The following CUX1 variants were observed in gnomAD, a reference collection of about 807,000 sequenced individuals.
CUX1 encodes the protein protein CASP.
CUX1 carries 31 observed loss-of-function variants against 158.8 expected under a neutral mutation model. That is an observed-to-expected ratio of 0.20 (90% CI 0.15 to 0.26). CUX1 has a LOEUF of 0.26. Among genes scored for constraint, CUX1 ranks in the 10% least tolerant of loss-of-function variants. The pLI, the probability that CUX1 is intolerant of heterozygous loss-of-function variation, is 1.00. For synonymous variants in CUX1, 879 were observed against 862.1 expected (o/e 1.02, Z -0.34); for missense variants, 1,589 against 2,014.6 (o/e 0.79, Z 4.04).
rs144101446 is a variant in CUX1, at chr7:101,831,233, T to A, written c.30+13564T>A. ...AGTGTCTCCTGTGTGCCGGGCAGCA[T>A]TCTAGCATAGGGATTGAGTGACCAG... On this transcript the variant is annotated intron_variant, in intron 1 of 23. Coordinates refer to ENST00000292535, the MANE Select transcript of CUX1 (RefSeq NM_181552.4). Among the ~76,000 whole-genome samples the A allele has an allele frequency of 9.2e-4, 140 of 152,248 alleles. 1 individual carries two copies. Among genetic ancestry groups the A allele is most frequent in the Admixed American group, 2.9e-3 (45 of 15,294 alleles).
Position 102,094,187 on chromosome 7 carries a change from C to T in CUX1, c.269-3177C>T, listed in dbSNP as rs570238603. On this transcript the variant is annotated intron_variant, in intron 4 of 23. Coordinates refer to ENST00000292535, the MANE Select transcript of CUX1 (RefSeq NM_181552.4). ...TTAATACAAGTAATAAAAATTAAGC[C>T]TAAGAAGTTCTTTAGCAATGCCTCT... 1.6e-4 allele frequency among the ~76,000 whole-genome samples: 25 copies of T among 152,250 alleles called. 1 individual carries two copies. Among genetic ancestry groups the T allele is most frequent in the African/African-American group, 5.5e-4 (23 of 41,548 alleles).
rs537358750 is a variant in CUX1, at chr7:101,973,587, C to T, written c.142-54511C>T. Among the ~76,000 whole-genome samples, 134 of 152,154 alleles carry T rather than the reference C, an allele frequency of 8.8e-4. 1 individual carries two copies. The highest frequency in any genetic ancestry group is 2.6e-3 in the Admixed American group (39 of 15,266). ...TTAATTTGCGCCAAATGAATGCACCCGTGTCCCCTGCACCCAGATGGAAAA... is the reference window on the plus strand; with the variant it reads ...TTAATTTGCGCCAAATGAATGCACCTGTGTCCCCTGCACCCAGATGGAAAA... On this transcript the variant is annotated intron_variant, in intron 2 of 23. Transcript: ENST00000292535.
At chr7:102,174,315 C>T (rs1792056434) in intron 10 of CUX1, among the ~76,000 whole-genome samples, 1 of 152,138 alleles carries the variant, frequency 6.6e-6, no homozygotes, top group African/African-American at 2.4e-5. Context: ...GATGGAGTTT[C>T]ACCATGTTGG....
intron 1 of CUX1, among the ~76,000 whole-genome samples, chr7:101,833,415 C>T (rs970249612): frequency 1.3e-5 from 2 of 150,168 alleles, no homozygotes; most frequent in Non-Finnish European, 3.0e-5. Flanking sequence ...ATTAGCTGAG[C>T]GTGATGGTGC....
At chr7:101,865,689 C>T (rs964613321) in intron 1 of CUX1, among the ~76,000 whole-genome samples, 2 of 152,186 alleles carry the variant, frequency 1.3e-5, no homozygotes, top group African/African-American at 4.8e-5. Context: ...TGTGCGTGCA[C>T]CCTGGAGTGT....
At chr7:102,266,080 T>C (rs1045808197) in intron 14 of CUX1, among the ~76,000 whole-genome samples, 13 of 151,948 alleles carry the variant, frequency 8.6e-5, no homozygotes, top group African/African-American at 3.1e-4. Flanking sequence ...GGTTCATGCT[T>C]GTAGTCCCAG....
intron 1 of CUX1, among the ~76,000 whole-genome samples, chr7:101,871,673 G>T (rs1346888306): frequency 6.6e-6 from 1 of 152,162 alleles, no homozygotes; most frequent in Non-Finnish European, 1.5e-5. Flanking sequence ...AAGGGTGGTG[G>T]TGGCATGTGT....
At chr7:102,026,788 C>A (rs1468165585) in intron 2 of CUX1, among the ~76,000 whole-genome samples, 4 of 146,664 alleles carry the variant, frequency 2.7e-5, no homozygotes, top group Non-Finnish European at 4.5e-5. Context: ...CCACTGCACT[C>A]CAGCCTAGGC....
At chr7:102,001,338 T>TGTTG (rs1438461402) in intron 2 of CUX1, among the ~76,000 whole-genome samples, 1 of 140,406 alleles carries the variant, frequency 7.1e-6, no homozygotes, top group African/African-American at 3.3e-5. Context: ...GAAAAGCTCC[T>TGTTG]GTTTGTTTGT....
chr7:101,835,119 C>T (rs1227270574), intron 1 of CUX1, among the ~76,000 whole-genome samples: 1 of 152,158 alleles, frequency 6.6e-6, no homozygotes, highest in African/African-American at 2.4e-5. Flanking sequence ...AACACCCCGA[C>T]AAGAAACTCC....
chr7:101,945,065 G>GC (rs1388874797), intron 2 of CUX1, among the ~76,000 whole-genome samples: 27 of 152,268 alleles, frequency 1.8e-4, no homozygotes, highest in East Asian at 1.5e-3. Flanking sequence ...CACCTCCCAA[G>GC]CCCACTCTGG....
At chr7:102,224,393 G>A (rs1480297594) in intron 20 of CUX1, among the ~76,000 whole-genome samples, 4 of 152,108 alleles carry the variant, frequency 2.6e-5, no homozygotes, top group Admixed American at 6.5e-5. Flanking sequence ...TTTTAGTAGG[G>A]AGGGGGTTTC....
At chr7:102,136,582 G>A (rs1246171972) in intron 8 of CUX1, among the ~76,000 whole-genome samples, 1 of 152,062 alleles carries the variant, frequency 6.6e-6, no homozygotes, top group East Asian at 1.9e-4. Flanking sequence ...ATGGAGACGG[G>A]GTTTCACCAT....
rs1226156867 is a variant in CUX1, at chr7:102,274,100, C to A, written c.1384-144C>A. The A allele has an allele frequency of 8.0e-6, 6 of 747,260 alleles. No individual in the cohort carries two copies. In the Admixed American group the frequency reaches 9.4e-5, roughly 12 times the overall value. 46.3% of individuals were successfully genotyped at this position (747,260 alleles called of 1,614,324 possible). On this transcript the variant is annotated intron_variant, in intron 15 of 22. Transcript: ENST00000292538. ...CTCATGTCACGTGTCCAGGTCCGGGCCCTCCTGCAGCCAGCCTGCACCCCG... is the reference window on the plus strand; with the variant it reads ...CTCATGTCACGTGTCCAGGTCCGGGACCTCCTGCAGCCAGCCTGCACCCCG...
chr7:101,877,288 C>T (rs1177271579), intron 1 of CUX1, among the ~76,000 whole-genome samples: 1 of 152,206 alleles, frequency 6.6e-6, no homozygotes, highest in Non-Finnish European at 1.5e-5. Context: ...TGTATCCTTC[C>T]AGAGTTTCAT....
At chr7:102,095,709 G>A (rs538125972) in intron 4 of CUX1, among the ~76,000 whole-genome samples, 15 of 152,124 alleles carry the variant, frequency 9.9e-5, no homozygotes, top group African/African-American at 2.9e-4. Flanking sequence ...TTGTTGATCC[G>A]CTGGGCATGG....
Position 102,252,543 on chromosome 7 carries a change from T to C in CUX1, c.*3501T>C. Reference sequence around the variant, plus strand: ...GTTAATTGGAGGCATTGTTCATAACTTAAGGCTTTTGCCATTAACTTAGCT... The same window carrying C: ...GTTAATTGGAGGCATTGTTCATAACCTAAGGCTTTTGCCATTAACTTAGCT... On this transcript the variant is annotated 3_prime_UTR_variant, in exon 24 of 24. Coordinates refer to ENST00000292535, the MANE Select transcript of CUX1 (RefSeq NM_181552.4). 1.0e-6 allele frequency: 1 copy of C among 985,500 alleles called. No individual in the cohort carries two copies. 61.0% of individuals were successfully genotyped at this position (985,500 alleles called of 1,614,324 possible). A position where few individuals can be genotyped will look rare whatever the true frequency, so the allele number is the denominator to read the frequency against.
chr7:101,826,163 T>C (rs942814826), intron 1 of CUX1, among the ~76,000 whole-genome samples: 9 of 152,072 alleles, frequency 5.9e-5, no homozygotes, highest in African/African-American at 2.2e-4. Flanking sequence ...CCTCTGTACA[T>C]CTGAGCTTCA....
At position 102,043,088 on chromosome 7, in the gene CUX1, C is replaced by T. The variant is rs576631411; in HGVS notation, c.189+14943C>T. Among the ~76,000 whole-genome samples, 214 of 152,188 alleles carry T rather than the reference C, an allele frequency of 1.4e-3. 1 individual carries two copies. Among genetic ancestry groups the T allele is most frequent in the African/African-American group, 5.0e-3 (206 of 41,554 alleles). On this transcript the variant is annotated intron_variant, in intron 3 of 23. Coordinates refer to ENST00000292535, the MANE Select transcript of CUX1 (RefSeq NM_181552.4). ...GCCTCAGCCTCCTGATTAGCAGGGA[C>T]TGTGGACGTGTGCCACCACGCCTGG...
Sources: allele counts gnomAD v4.1 joint callset (sites outside exome capture counted in the v4.1 genomes callset), GRCh38; gene constraint gnomAD v4.1.1; transcripts MANE v1.5; gene names NCBI Gene and HGNC (gene_info 2026-07-23, HGNC 2026-07-21).